The following DESI1 variants were observed in gnomAD, a reference collection of about 807,000 sequenced individuals.
DESI1 encodes the protein desumoylating isopeptidase 1.
In DESI1, 17 loss-of-function variants were observed where a neutral mutation model predicts 22.4. That is an observed-to-expected ratio of 0.76 (90% CI 0.52 to 1.14). The LOEUF is 1.14. Ranked by LOEUF, DESI1 falls within the 50% of genes most tolerant of loss-of-function variation. The pLI, the probability that DESI1 is intolerant of heterozygous loss-of-function variation, is 0.00. For missense variants in DESI1, 177 were observed against 208.9 expected (o/e 0.85, Z 0.94); for synonymous variants, 92 against 84.2 (o/e 1.09, Z -0.51).
chr22:41,611,880 C>T (rs73422945), intron 1 of DESI1, among the ~76,000 whole-genome samples: 10,182 of 152,120 alleles, frequency 0.067, 1,103 homozygotes, highest in African/African-American at 0.23. Flanking sequence ...CGTGAGCTAC[C>T]GCGCCTGGCC....
chr22:41,609,503 T>G (rs894732186), intron 1 of DESI1, among the ~76,000 whole-genome samples: 1 of 152,112 alleles, frequency 6.6e-6, no homozygotes, highest in Non-Finnish European at 1.5e-5. Context: ...AAAAATAAAT[T>G]CTACTTCAGA....
intron 1 of DESI1, among the ~76,000 whole-genome samples, chr22:41,612,205 C>T (rs937618362): frequency 1.4e-4 from 21 of 152,044 alleles, no homozygotes; most frequent in Non-Finnish European, 1.8e-4. Flanking sequence ...TGGTATAGAA[C>T]GAACAAGAGT....
rs927235710 is a variant in DESI1, at chr22:41,600,892, A to C, written c.*205T>G. The C allele has an allele frequency of 1.8e-6, 1 of 569,020 alleles. No homozygotes were observed. The highest frequency in any genetic ancestry group is 1.9e-5 in the African/African-American group (1 of 52,974). 35.2% of individuals were successfully genotyped at this position (569,020 alleles called of 1,614,324 possible). A position where few individuals can be genotyped will look rare whatever the true frequency, so the allele number is the denominator to read the frequency against. ...AAGACAGCCTTAATAAATTAGTATA[A>C]TACTATTAGAAGGGGTGGCATTTTG... On this transcript the variant is annotated 3_prime_UTR_variant, in exon 6 of 6. Transcript: ENST00000263256.
chr22:41,607,564 G>C (rs2067490399), intron 2 of DESI1, among the ~76,000 whole-genome samples: 1 of 152,174 alleles, frequency 6.6e-6, no homozygotes, highest in South Asian at 2.1e-4. Context: ...GGGCTGTCCT[G>C]TGCATTCTAG....
At chr22:41,617,166 T>G (rs557344120) in intron 1 of DESI1, among the ~76,000 whole-genome samples, 2 of 152,282 alleles carry the variant, frequency 1.3e-5, no homozygotes, top group South Asian at 4.1e-4. Context: ...ACAGAGGTGG[T>G]ATCTCAAAAT....
At chr22:41,610,272 G>A (rs374083125) in intron 1 of DESI1, among the ~76,000 whole-genome samples, 66 of 151,318 alleles carry the variant, frequency 4.4e-4, no homozygotes, top group East Asian at 2.4e-3. Flanking sequence ...CCAGCTACTC[G>A]GGAAGCTGAG....
intron 5 of DESI1, chr22:41,603,035 G>T: frequency 2.9e-6 from 2 of 695,014 alleles, no homozygotes; most frequent in South Asian, 2.0e-5. Context: ...TAAGTTCTGT[G>T]GTTGCACTTA....
chr22:41,602,408 GA>G, intron 5 of DESI1: 1 of 985,444 alleles, frequency 1.0e-6, no homozygotes, highest in Non-Finnish European at 1.2e-6. Context: ...AGGGCTGGCG[GA>G]CTGGGGCTCC....
intron 1 of DESI1, among the ~76,000 whole-genome samples, chr22:41,615,880 G>A (rs1436005705): frequency 6.6e-6 from 1 of 152,144 alleles, no homozygotes; most frequent in African/African-American, 2.4e-5. Context: ...GTTTTATATT[G>A]TTATCAAATG....
chr22:41,620,030 C>A (rs1244099329), intron 1 of DESI1, among the ~76,000 whole-genome samples: 1 of 152,216 alleles, frequency 6.6e-6, no homozygotes, highest in Non-Finnish European at 1.5e-5. Context: ...TGGAGCACAA[C>A]CGAAATACTT....
At chr22:41,613,730 C>T (rs1336571680) in intron 1 of DESI1, among the ~76,000 whole-genome samples, 1 of 152,224 alleles carries the variant, frequency 6.6e-6, no homozygotes, top group East Asian at 1.9e-4. Context: ...GCTGTCTTCT[C>T]AGATGCGCAT....
At chr22:41,615,608 CCT>C (rs2067546272) in intron 1 of DESI1, among the ~76,000 whole-genome samples, 1 of 152,212 alleles carries the variant, frequency 6.6e-6, no homozygotes, top group South Asian at 2.1e-4. Flanking sequence ...ACAGAAAAAA[CCT>C]CTCTCAGATT....
intron 5 of DESI1, among the ~76,000 whole-genome samples, chr22:41,601,461 G>A (rs1267470228): frequency 6.6e-6 from 1 of 152,208 alleles, no homozygotes; most frequent in Non-Finnish European, 1.5e-5. Flanking sequence ...AGCCTGGTTA[G>A]CTGTGGTTTG....
At chr22:41,610,656 T>C (rs1290008277) in intron 1 of DESI1, among the ~76,000 whole-genome samples, 3 of 151,456 alleles carry the variant, frequency 2.0e-5, no homozygotes, top group African/African-American at 4.9e-5. Context: ...GTGGATCACC[T>C]GAGGTCAGGA....
chr22:41,608,652 C>T (rs1569068156), intron 1 of DESI1, among the ~76,000 whole-genome samples: 1 of 152,120 alleles, frequency 6.6e-6, no homozygotes. Flanking sequence ...GCAAAGCGGG[C>T]AGGCCTGGAC....
chr22:41,609,257 G>T (rs1045256445), intron 1 of DESI1, among the ~76,000 whole-genome samples: 2 of 152,134 alleles, frequency 1.3e-5, no homozygotes, highest in African/African-American at 4.8e-5. Flanking sequence ...CATCCTCAGA[G>T]ATAGTTAAGG....
intron 5 of DESI1, among the ~76,000 whole-genome samples, chr22:41,601,456 G>T (rs2067449500): frequency 6.6e-6 from 1 of 152,210 alleles, no homozygotes; most frequent in Non-Finnish European, 1.5e-5. Context: ...TCTAGAGCCT[G>T]GTTAGCTGTG....
In DESI1 at chr22:41,599,935, T is replaced by C. The variant is rs2067440437; in HGVS notation, c.*1162A>G. ...GGCTCACGCCTGTAATCCCAGCACT[T>C]TGGGAGGCCAAGGGAGGTGGATCAC... On this transcript the variant is annotated 3_prime_UTR_variant, in exon 6 of 6. Coordinates refer to ENST00000263256, the MANE Select transcript of DESI1 (RefSeq NM_015704.3). The C allele has an allele frequency of 1.3e-5, 2 of 151,258 alleles. No individual in the cohort carries two copies. Among genetic ancestry groups the C allele is most frequent in the Admixed American group, 1.3e-4 (2 of 15,220 alleles). The allele number at this position is 151,258 out of a possible 1,614,324, so 9.4% of individuals were successfully genotyped here.
Position 41,601,196 on chromosome 22 carries a change from A to G in DESI1, c.414-6T>C. ...GAAGTGCCTGTCCAAAGGGCCTGCA[A>G]GGAAACAGAGACATGAGAGGGGTGG... On this transcript the variant is annotated splice_region_variant and splice_polypyrimidine_tract_variant and intron_variant, in intron 5 of 5. Transcript: ENST00000263256. The G allele has an allele frequency of 6.2e-7, 1 of 1,604,506 alleles. No homozygotes were observed. The highest frequency in any genetic ancestry group is 8.5e-7 in the Non-Finnish European group (1 of 1,175,648).
Sources: gnomAD v4.1 joint callset for allele counts (sites outside exome capture counted in the v4.1 genomes callset) on GRCh38, gnomAD v4.1.1 for gene constraint, MANE v1.5 for transcripts, NCBI Gene and HGNC (gene_info 2026-07-23, HGNC 2026-07-21) for gene names.